Variants in RGL1 observed in about 807,000 individuals in gnomAD.
The protein encoded by RGL1 is ral guanine nucleotide dissociation stimulator-like 1.
RGL1 carries 24 observed loss-of-function variants against 95.2 expected under a neutral mutation model. The ratio of observed to expected loss-of-function variants is 0.25; its 90% confidence interval spans 0.18 to 0.35. The LOEUF is 0.35. Ranked by LOEUF, RGL1 falls within the 10% of genes least tolerant of loss-of-function variation. The pLI, the probability that RGL1 is intolerant of heterozygous loss-of-function variation, is 1.00. For synonymous variants in RGL1, 329 were observed against 344.9 expected (o/e 0.95, Z 0.51); for missense variants, 715 against 936.3 (o/e 0.76, Z 3.08).
At chr1:183,695,892 A>AG (rs903976719) in intron 1 of RGL1, among the ~76,000 whole-genome samples, 3 of 152,204 alleles carry the variant, frequency 2.0e-5, no homozygotes, top group Admixed American at 1.3e-4. Flanking sequence ...GAAAAAAAAA[A>AG]CTGATTTACA....
chr1:183,705,117 G>A (rs977165838), intron 1 of RGL1, among the ~76,000 whole-genome samples: 15 of 152,198 alleles, frequency 9.9e-5, no homozygotes, highest in Non-Finnish European at 1.8e-4. Flanking sequence ...AAAGGCTCAT[G>A]GAGAGGGCCT....
At chr1:183,808,606 C>T (rs1239620221) in intron 2 of RGL1, among the ~76,000 whole-genome samples, 1 of 152,094 alleles carries the variant, frequency 6.6e-6, no homozygotes, top group African/African-American at 2.4e-5. Flanking sequence ...TGAGTGGCTT[C>T]CCCATGTTTG....
chr1:183,663,993 C>T (rs545587706), intron 1 of RGL1, among the ~76,000 whole-genome samples: 1,766 of 142,438 alleles, frequency 0.012, 36 homozygotes, highest in African/African-American at 0.045. Context: ...TGTTCTCACT[C>T]ATAGGTGGGA....
chr1:183,742,510 C>T (rs538636588), intron 2 of RGL1, among the ~76,000 whole-genome samples: 4 of 152,250 alleles, frequency 2.6e-5, no homozygotes, highest in South Asian at 2.1e-4. Context: ...TGAAAGCCAG[C>T]GCTTAAAAAA....
chr1:183,862,511 T>C (rs772048426), intron 3 of RGL1, among the ~76,000 whole-genome samples: 8 of 152,272 alleles, frequency 5.3e-5, no homozygotes, highest in Non-Finnish European at 8.8e-5. Flanking sequence ...TTGTTTTGCA[T>C]TTTAATAGTT....
chr1:183,746,254 T>C (rs2102268827), intron 2 of RGL1, among the ~76,000 whole-genome samples: 1 of 152,308 alleles, frequency 6.6e-6, no homozygotes, highest in Non-Finnish European at 1.5e-5. Flanking sequence ...TGTTTAATCA[T>C]CCTTTTGCTT....
chr1:183,723,325 A>T (rs1377475095), intron 1 of RGL1, among the ~76,000 whole-genome samples: 1 of 151,640 alleles, frequency 6.6e-6, no homozygotes. Flanking sequence ...CTACCCACAT[A>T]AAAAAACACC....
intron 1 of RGL1, among the ~76,000 whole-genome samples, chr1:183,645,870 C>A (rs1301941780): frequency 1.3e-5 from 2 of 152,202 alleles, no homozygotes; most frequent in Admixed American, 1.3e-4. Flanking sequence ...TGTGAGTAAT[C>A]TTCTTTGTAG....
intron 2 of RGL1, among the ~76,000 whole-genome samples, chr1:183,770,110 G>A (rs1309950894): frequency 6.6e-6 from 1 of 152,282 alleles, no homozygotes; most frequent in South Asian, 2.1e-4. Context: ...AGCATGTCCA[G>A]ACTGAAACAG....
chr1:183,765,098 G>A (rs559750261), intron 2 of RGL1, among the ~76,000 whole-genome samples: 5 of 152,144 alleles, frequency 3.3e-5, no homozygotes, highest in African/African-American at 9.7e-5. Flanking sequence ...CTGCCAGGAA[G>A]GTGACTCTCT....
chr1:183,772,734 G>C (rs1266727864), intron 2 of RGL1, among the ~76,000 whole-genome samples: 6 of 152,058 alleles, frequency 3.9e-5, no homozygotes, highest in African/African-American at 1.4e-4. Context: ...TCTGGGCCGG[G>C]CGCGGTGGCT....
chr1:183,900,307 T>A, intron 11 of RGL1, 71 bp downstream of exon 11: 27 of 1,192,746 alleles, frequency 2.3e-5, no homozygotes, highest in Non-Finnish European at 3.1e-5. Flanking sequence ...GTAGTTAACT[T>A]CTCTTAGTAT....
At chr1:183,662,323 G>A (rs893523275) in intron 1 of RGL1, among the ~76,000 whole-genome samples, 5 of 151,428 alleles carry the variant, frequency 3.3e-5, no homozygotes, top group Non-Finnish European at 5.9e-5. Context: ...CATTGTCTCA[G>A]CCCAAAATCT....
At chr1:183,660,417 G>A (rs1651529049) in intron 1 of RGL1, among the ~76,000 whole-genome samples, 1 of 151,404 alleles carries the variant, frequency 6.6e-6, no homozygotes, top group Non-Finnish European at 1.5e-5. Flanking sequence ...CCTAGTCTCT[G>A]ATAAAACAGA....
intron 1 of RGL1, among the ~76,000 whole-genome samples, chr1:183,643,467 A>G (rs1171636107): frequency 6.6e-6 from 1 of 151,602 alleles, no homozygotes; most frequent in Non-Finnish European, 1.5e-5. Context: ...AACTTTTTGT[A>G]TTTTTAGTAG....
intron 2 of RGL1, among the ~76,000 whole-genome samples, chr1:183,744,722 C>T (rs1407517501): frequency 6.6e-6 from 1 of 152,090 alleles, no homozygotes; most frequent in Non-Finnish European, 1.5e-5. Flanking sequence ...TTTATGCTGA[C>T]ATATGTAGTT....
intron 4 of RGL1, among the ~76,000 whole-genome samples, chr1:183,872,922 AT>A (rs995432222): frequency 3.9e-5 from 6 of 152,250 alleles, no homozygotes; most frequent in African/African-American, 9.6e-5. Flanking sequence ...TGTGAAAGGA[AT>A]TTTTTTTAAA....
At chr1:183,818,160 C>A (rs891667763) in intron 2 of RGL1, among the ~76,000 whole-genome samples, 2 of 152,126 alleles carry the variant, frequency 1.3e-5, no homozygotes, top group African/African-American at 4.8e-5. Context: ...CCAACCCCAA[C>A]CTGAAATCAC....
intron 2 of RGL1, among the ~76,000 whole-genome samples, chr1:183,764,292 A>T (rs1658854626): frequency 6.6e-6 from 1 of 152,214 alleles, no homozygotes; most frequent in African/African-American, 2.4e-5. Flanking sequence ...TTAGGGGCTC[A>T]TGTGGCAGGG....
Sources: allele counts gnomAD v4.1 joint callset (sites outside exome capture counted in the v4.1 genomes callset), GRCh38; gene constraint gnomAD v4.1.1; transcripts MANE v1.5; gene names NCBI Gene and HGNC (gene_info 2026-07-23, HGNC 2026-07-21).